Variants in DRC10 observed in about 807,000 individuals in gnomAD.
The protein encoded by DRC10 is IQ domain-containing protein D.
the DRC10 span, among the ~76,000 whole-genome samples, chr12:113,213,385 A>T: frequency 6.6e-6 from 1 of 152,170 alleles, no homozygotes; most frequent in Non-Finnish European, 1.5e-5. Flanking sequence ...TAGTTTTTCC[A>T]TCCTCATCCG....
the DRC10 span, chr12:113,207,662 G>A: frequency 1.2e-6 from 2 of 1,614,008 alleles, no homozygotes; most frequent in Non-Finnish European, 1.7e-6. Context: ...TGCATCTGCA[G>A]GAGCCTAGCA....
the DRC10 span, among the ~76,000 whole-genome samples, chr12:113,214,507 CAA>C: frequency 1.2e-4 from 6 of 50,292 alleles, no homozygotes; most frequent in African/African-American, 3.0e-4. Context: ...GACTCCGTCT[CAA>C]AAAAAAAAAA....
chr12:113,201,009 C>T, the DRC10 span, among the ~76,000 whole-genome samples: 1 of 152,112 alleles, frequency 6.6e-6, no homozygotes, highest in South Asian at 2.1e-4. Flanking sequence ...TGTGGTGGTG[C>T]ATGCCTGTAA....
chr12:113,207,089 G>A, the DRC10 span: 13 of 365,800 alleles, frequency 3.6e-5, no homozygotes, highest in South Asian at 1.8e-4. Flanking sequence ...TTGGCCAGGC[G>A]CAGTGGCCAG....
chr12:113,211,456 G>A, the DRC10 span, among the ~76,000 whole-genome samples: 1 of 152,038 alleles, frequency 6.6e-6, no homozygotes, highest in Non-Finnish European at 1.5e-5. Context: ...TTAGTTCCTT[G>A]GCAAGGCAGA....
At chr12:113,200,505 G>T in the DRC10 span, 1 of 1,126,122 alleles carries the variant, frequency 8.9e-7, no homozygotes, top group Non-Finnish European at 1.3e-6. Flanking sequence ...TGGACCTCCA[G>T]GAGTGATGGA....
the DRC10 span, among the ~76,000 whole-genome samples, chr12:113,210,038 A>G: frequency 6.6e-6 from 1 of 152,238 alleles, no homozygotes; most frequent in South Asian, 2.1e-4. Context: ...CAGGAGGCTG[A>G]GGCATGAGAA....
chr12:113,199,705 GC>G, the DRC10 span, among the ~76,000 whole-genome samples: 1 of 151,806 alleles, frequency 6.6e-6, no homozygotes, highest in African/African-American at 2.4e-5. Context: ...GAAGGAGAAG[GC>G]AAATGAAGGT....
chr12:113,195,835 C>G, the DRC10 span: 3 of 1,613,640 alleles, frequency 1.9e-6, no homozygotes, highest in Non-Finnish European at 2.5e-6. Flanking sequence ...CGCCTGAGCT[C>G]CTCCAGCGAG....
chr12:113,200,419 C>T, the DRC10 span: 1 of 727,330 alleles, frequency 1.4e-6, no homozygotes, highest in Non-Finnish European at 2.4e-6. Flanking sequence ...TTTGGGCCTT[C>T]CCTGCTCCTG....
At chr12:113,214,805 T>C in the DRC10 span, among the ~76,000 whole-genome samples, 1 of 152,182 alleles carries the variant, frequency 6.6e-6, no homozygotes, top group East Asian at 1.9e-4. Context: ...AATTTTTTAC[T>C]TTTTCATAGT....
the DRC10 span, chr12:113,195,856 C>A: frequency 6.2e-7 from 1 of 1,612,874 alleles, no homozygotes; most frequent in Admixed American, 1.7e-5. Flanking sequence ...ATCTTCTCCT[C>A]CCTGTGAACA....
chr12:113,204,119 T>C, the DRC10 span, among the ~76,000 whole-genome samples: 92 of 152,278 alleles, frequency 6.0e-4, no homozygotes, highest in Middle Eastern at 0.01. Flanking sequence ...CGCATGCCTG[T>C]AGTTTCAGCT....
chr12:113,201,779 C>T, the DRC10 span, among the ~76,000 whole-genome samples: 710 of 152,326 alleles, frequency 4.7e-3, 7 homozygotes, highest in African/African-American at 0.016. Flanking sequence ...GCAGGCCCGC[C>T]GGGCATCTGC....
the DRC10 span, among the ~76,000 whole-genome samples, chr12:113,217,773 C>T: frequency 6.6e-6 from 1 of 152,248 alleles, no homozygotes; most frequent in East Asian, 1.9e-4. Context: ...CTCAAGTAAT[C>T]CACCTTCCTT....
At chr12:113,205,445 A>C in the DRC10 span, among the ~76,000 whole-genome samples, 1 of 151,982 alleles carries the variant, frequency 6.6e-6, no homozygotes. Flanking sequence ...AGCCAGAAGA[A>C]TTGCTTGAAC....
chr12:113,197,653 T>C, the DRC10 span: 1 of 1,292,346 alleles, frequency 7.7e-7, no homozygotes, highest in Non-Finnish European at 1.1e-6. Flanking sequence ...TGGAATATAT[T>C]AACAATCAAC....
the DRC10 span, chr12:113,208,073 C>T: frequency 1.2e-6 from 2 of 1,614,096 alleles, no homozygotes; most frequent in Non-Finnish European, 1.7e-6. Flanking sequence ...TTTAGTGGAT[C>T]AGCTGGCCTT....
the DRC10 span, among the ~76,000 whole-genome samples, chr12:113,201,140 CA>C: frequency 1.5e-3 from 224 of 144,678 alleles, no homozygotes; most frequent in Admixed American, 2.6e-3. Context: ...GATTCCATCT[CA>C]AAAAAAAAAG....
Sources: gnomAD v4.1 joint callset for allele counts (sites outside exome capture counted in the v4.1 genomes callset) on GRCh38, gnomAD v4.1.1 for gene constraint, MANE v1.5 for transcripts, NCBI Gene and HGNC (gene_info 2026-07-23, HGNC 2026-07-21) for gene names.